SGCZ: variants seen among roughly 807,000 people sequenced by gnomAD.
The protein encoded by SGCZ is sarcoglycan zeta, also known as zeta-sarcoglycan.
A neutral mutation model predicts 41.3 loss-of-function variants in SGCZ; 40 were observed. That is an observed-to-expected ratio of 0.97 (90% confidence interval 0.75 to 1.26). SGCZ has a LOEUF of 1.26. Among genes scored for constraint, SGCZ ranks in the 50% most tolerant of loss-of-function variants. The probability of loss-of-function intolerance (pLI) is 0.00; values close to 1 mark genes in which losing one functional copy is unlikely to be tolerated. For synonymous variants in SGCZ, 206 were observed against 137.5 expected, an observed-to-expected ratio of 1.50 and a Z score of -3.49; for missense variants, 552 against 369.8, an observed-to-expected ratio of 1.49 and a Z score of -4.04.
chr8:14,185,472 G>A (rs927819391), intron 4 of SGCZ, among the ~76,000 whole-genome samples: 2 of 151,984 alleles, frequency 1.3e-5, no homozygotes, highest in African/African-American at 2.4e-5. Context: ...AGCTTCAATT[G>A]ATCTAATCAA....
chr8:14,320,866 C>T (rs1243085828), intron 3 of SGCZ, among the ~76,000 whole-genome samples: 1 of 151,988 alleles, frequency 6.6e-6, no homozygotes, highest in African/African-American at 2.4e-5. Context: ...TAGTTCGTCT[C>T]AGATAAGAGG....
At chr8:15,107,465 A>C (rs1370590964) in intron 1 of SGCZ, among the ~76,000 whole-genome samples, 1 of 152,070 alleles carries the variant, frequency 6.6e-6, no homozygotes, top group Non-Finnish European at 1.5e-5. Context: ...CTGCCTGTTA[A>C]AAATAACCTG....
intron 1 of SGCZ, among the ~76,000 whole-genome samples, chr8:15,166,238 T>TA: frequency 6.6e-6 from 1 of 151,488 alleles, no homozygotes; most frequent in Middle Eastern, 3.4e-3. Context: ...AATCCTTTTT[T>TA]TTTTCTTTTT....
At chr8:15,138,748 T>C (rs1808210186) in intron 1 of SGCZ, among the ~76,000 whole-genome samples, 2 of 152,290 alleles carry the variant, frequency 1.3e-5, no homozygotes, top group East Asian at 3.9e-4. Flanking sequence ...TCTTTATAAA[T>C]TACCCAGTCT....
At chr8:14,161,328 TA>T (rs1804039419) in intron 5 of SGCZ, 1 of 152,218 alleles carries the variant, frequency 6.6e-6, no homozygotes, top group African/African-American at 2.4e-5. Context: ...GAAGCTGTTA[TA>T]AAGTTAATAT....
At chr8:14,420,563 TCAGTTA>T (rs1293558178) in intron 2 of SGCZ, among the ~76,000 whole-genome samples, 1 of 152,076 alleles carries the variant, frequency 6.6e-6, no homozygotes, top group Admixed American at 6.6e-5. Flanking sequence ...TATTCCTCCT[TCAGTTA>T]CCCAACAGAT....
intron 1 of SGCZ, among the ~76,000 whole-genome samples, chr8:14,713,507 G>A (rs1219977012): frequency 6.6e-6 from 1 of 152,088 alleles, no homozygotes; most frequent in Non-Finnish European, 1.5e-5. Context: ...CTGACCAACT[G>A]ACTCACACTT....
intron 1 of SGCZ, among the ~76,000 whole-genome samples, chr8:15,201,002 C>G (rs268371): frequency 3.9e-5 from 6 of 152,062 alleles, no homozygotes; most frequent in African/African-American, 1.5e-4. Context: ...ACTACCAAAG[C>G]GTCCCCAATC....
chr8:14,863,934 C>A (rs1380279685), intron 1 of SGCZ, among the ~76,000 whole-genome samples: 4 of 152,106 alleles, frequency 2.6e-5, no homozygotes, highest in Non-Finnish European at 5.9e-5. Flanking sequence ...ATGACCAGAA[C>A]TTTGTTCGGT....
intron 5 of SGCZ, among the ~76,000 whole-genome samples, chr8:14,112,557 A>T (rs951649336): frequency 3.3e-5 from 5 of 152,150 alleles, no homozygotes; most frequent in African/African-American, 1.2e-4. Flanking sequence ...AAGTCTTCCT[A>T]CCTTACTTTC....
At chr8:15,093,550 T>C (rs1052042360) in intron 1 of SGCZ, among the ~76,000 whole-genome samples, 4 of 152,234 alleles carry the variant, frequency 2.6e-5, no homozygotes, top group Admixed American at 2.6e-4. Context: ...ATAAGATTTA[T>C]TCAGGAAAAA....
chr8:14,107,505 C>T (rs1802243052), intron 6 of SGCZ, among the ~76,000 whole-genome samples: 1 of 152,176 alleles, frequency 6.6e-6, no homozygotes, highest in Admixed American at 6.6e-5. Flanking sequence ...TTCCATATTA[C>T]CCTCTATATA....
chr8:14,512,142 C>T (rs1802484700), intron 2 of SGCZ, among the ~76,000 whole-genome samples: 1 of 152,088 alleles, frequency 6.6e-6, no homozygotes, highest in Admixed American at 6.6e-5. Flanking sequence ...ATTTTCTACT[C>T]TGTTAGGAAA....
intron 1 of SGCZ, among the ~76,000 whole-genome samples, chr8:14,774,184 A>G (rs1410030080): frequency 6.6e-6 from 1 of 152,168 alleles, no homozygotes; most frequent in Non-Finnish European, 1.5e-5. Flanking sequence ...CAAATGACTG[A>G]ATTTCCCTGA....
intron 2 of SGCZ, among the ~76,000 whole-genome samples, chr8:14,347,266 A>C (rs960043433): frequency 6.6e-6 from 1 of 152,098 alleles, no homozygotes; most frequent in African/African-American, 2.4e-5. Context: ...CAGAATTCCT[A>C]CACTGAAGAG....
intron 2 of SGCZ, among the ~76,000 whole-genome samples, chr8:14,412,277 C>T (rs902172841): frequency 6.6e-6 from 1 of 151,980 alleles, no homozygotes; most frequent in Non-Finnish European, 1.5e-5. Context: ...ATTTTAGACC[C>T]TAAGGTATTT....
At chr8:14,737,815 T>C (rs1326318157) in intron 1 of SGCZ, among the ~76,000 whole-genome samples, 2 of 152,092 alleles carry the variant, frequency 1.3e-5, no homozygotes, top group Non-Finnish European at 2.9e-5. Flanking sequence ...CCAAACATGG[T>C]CACATATTGA....
chr8:14,856,863 C>T (rs1269087773), intron 1 of SGCZ, among the ~76,000 whole-genome samples: 2 of 152,222 alleles, frequency 1.3e-5, no homozygotes, highest in South Asian at 4.1e-4. Context: ...TCTGAACATT[C>T]AGAAATGCAC....
In SGCZ at chr8:14,478,143, A is replaced by G. The variant is rs1801413889; in HGVS notation, c.234+76589T>C. Among the ~76,000 whole-genome samples, 3 of 152,264 alleles carry G rather than the reference A, an allele frequency of 2.0e-5. No individual in the cohort carries two copies. In the South Asian group the frequency reaches 6.2e-4, roughly 31 times the overall value. On this transcript the variant is annotated intron_variant, in intron 2 of 7. Coordinates refer to ENST00000382080, the MANE Select transcript of SGCZ (RefSeq NM_139167.4). ...TGGAAGACAGTTTGGCAGCATTTTT[A>G]CAAAACTAAGCATAATCTTATCATA...
Sources: gnomAD v4.1 joint callset for allele counts (sites outside exome capture counted in the v4.1 genomes callset) on GRCh38, gnomAD v4.1.1 for gene constraint, MANE v1.5 for transcripts, NCBI Gene and HGNC (gene_info 2026-07-23, HGNC 2026-07-21) for gene names.